The following ADAMTS5 variants were observed in gnomAD, a reference collection of about 807,000 sequenced individuals.
ADAMTS5 encodes A disintegrin and metalloproteinase with thrombospondin motifs 5.
A neutral mutation model predicts 81.4 loss-of-function variants in ADAMTS5; 54 were observed. The observed-to-expected ratio is 0.66, with a 90% CI of 0.53 to 0.83. The LOEUF is 0.83. ADAMTS5 is among the 40% of genes least tolerant of loss of function. The pLI, the probability that ADAMTS5 is intolerant of heterozygous loss-of-function variation, is 0.00. For missense variants in ADAMTS5, 1,194 were observed against 1,229.9 expected (o/e 0.97, Z 0.44); for synonymous variants, 532 against 508.8 (o/e 1.05, Z -0.61).
At chr21:26,961,557 C>G (rs1352406984) in intron 1 of ADAMTS5, among the ~76,000 whole-genome samples, 1 of 152,196 alleles carries the variant, frequency 6.6e-6, no homozygotes, top group African/African-American at 2.4e-5. Flanking sequence ...ATTTCTACCT[C>G]GCTGCCTTAA....
At chr21:26,954,108 T>C (rs757164380) in intron 2 of ADAMTS5, 1 of 151,708 alleles carries the variant, frequency 6.6e-6, no homozygotes, top group African/African-American at 2.4e-5. Context: ...ATATTCTTTA[T>C]TTTGGAAATA....
At chr21:26,935,668 A>G (rs1384145567) in intron 3 of ADAMTS5, among the ~76,000 whole-genome samples, 1 of 152,150 alleles carries the variant, frequency 6.6e-6, no homozygotes, top group African/African-American at 2.4e-5. Flanking sequence ...TGGGGAATCC[A>G]CAAAAGCTGG....
chr21:26,965,593 G>A lies in ADAMTS5; in HGVS notation c.799C>T (p.Arg267Cys), dbSNP rs571380802. ...GCCACCAGAAGCAGCTCCACCTGGC[G>A]GGCCCGGGAGATGGAGCGGCGCCGC... ...RRRRRSISRA[R>C]QVELLLVADA... Residue 267 changes from arginine (R) to cysteine (C), a missense_variant, in exon 1 of 8, where the codon CGC (arginine) becomes TGC (cysteine). Arg to Cys is a radical substitution (Grantham distance 180). Transcript: ENST00000284987. The A allele has an allele frequency of 1.2e-6, 2 of 1,604,022 alleles. No individual in the cohort carries two copies. Among genetic ancestry groups the A allele is most frequent in the African/African-American group, 1.3e-5 (1 of 74,706 alleles).
At chr21:26,938,179 G>A (rs1242225570) in intron 3 of ADAMTS5, among the ~76,000 whole-genome samples, 1 of 151,898 alleles carries the variant, frequency 6.6e-6, no homozygotes, top group Non-Finnish European at 1.5e-5. Context: ...GGGAGGTGGA[G>A]TTTGCAGTGA....
rs924793482 is a variant in ADAMTS5, at chr21:26,922,746, C to G, written c.*1307G>C. 1 of 152,470 alleles carries G rather than the reference C, an allele frequency of 6.6e-6. No homozygotes were observed. Among genetic ancestry groups the G allele is most frequent in the Non-Finnish European group, 1.5e-5 (1 of 67,960 alleles). 9.4% of individuals were successfully genotyped at this position (152,470 alleles called of 1,614,324 possible). ...TCACATGTCATCACTCAAACACTTA[C>G]GGGTACAATCAAGTGCTTTCCAGTT... On this transcript the variant is annotated 3_prime_UTR_variant, in exon 8 of 8. Coordinates refer to ENST00000284987, the MANE Select transcript of ADAMTS5 (RefSeq NM_007038.5).
At chr21:26,942,015 A>AT (rs1987123681) in intron 3 of ADAMTS5, among the ~76,000 whole-genome samples, 2 of 149,260 alleles carry the variant, frequency 1.3e-5, no homozygotes, top group African/African-American at 2.5e-5. Context: ...TTATTGACAT[A>AT]TTTTTTCAAC....
intron 7 of ADAMTS5, 95 bp from the exon 8 acceptor site, chr21:26,924,715 A>G: frequency 9.6e-7 from 1 of 1,045,020 alleles, no homozygotes; most frequent in Non-Finnish European, 1.4e-6. Context: ...ACACAAACAG[A>G]AGTTCTCTAA....
rs1986639041 is a variant in ADAMTS5 at position 26,919,143 on chromosome 21, C to T, written c.*4910G>A. ...GACAGTCGGTCACGAAAGATGTTAGCACCTCAATAAAAATTAGAATTGTTC... is the reference window on the plus strand; with the variant it reads ...GACAGTCGGTCACGAAAGATGTTAGTACCTCAATAAAAATTAGAATTGTTC... On this transcript the variant is annotated 3_prime_UTR_variant, in exon 8 of 8. Coordinates refer to ENST00000284987, the MANE Select transcript of ADAMTS5 (RefSeq NM_007038.5). The T allele has an allele frequency of 6.6e-6, 1 of 151,612 alleles. No homozygotes were observed. The highest frequency in any genetic ancestry group is 1.5e-5 in the Non-Finnish European group (1 of 67,880). 9.4% of individuals were successfully genotyped at this position (151,612 alleles called of 1,614,324 possible).
intron 3 of ADAMTS5, among the ~76,000 whole-genome samples, chr21:26,940,550 TGTCTAAA>T (rs1279840942): frequency 6.6e-6 from 1 of 152,166 alleles, no homozygotes; most frequent in Admixed American, 6.5e-5. Flanking sequence ...TCAGATTACC[TGTCTAAA>T]GTCTCCCCAC....
chr21:26,954,949 C>G, intron 1 of ADAMTS5, 78 bp from the exon 2 acceptor site: 1 of 1,534,670 alleles, frequency 6.5e-7, no homozygotes, highest in Non-Finnish European at 8.9e-7. Context: ...ACTTGCTTAC[C>G]CCAAATGGCA....
At chr21:26,940,551 G>A (rs1223700648) in intron 3 of ADAMTS5, among the ~76,000 whole-genome samples, 1 of 152,012 alleles carries the variant, frequency 6.6e-6, no homozygotes, top group Non-Finnish European at 1.5e-5. Flanking sequence ...CAGATTACCT[G>A]TCTAAAGTCT....
At chr21:26,951,679 C>CAAAAAAAAA (rs58060427) in intron 2 of ADAMTS5, among the ~76,000 whole-genome samples, 3 of 46,626 alleles carry the variant, frequency 6.4e-5, no homozygotes, top group African/African-American at 2.6e-4. Context: ...CCCTCCATCT[C>CAAAAAAAAA]AAAAAAAAAA....
rs1342915684 is a variant in ADAMTS5 at position 26,921,388 on chromosome 21, T to C, written c.*2665A>G. On this transcript the variant is annotated 3_prime_UTR_variant, in exon 8 of 8. Coordinates refer to ENST00000284987, the MANE Select transcript of ADAMTS5 (RefSeq NM_007038.5). ...GTACTTAATAAAACTTATTATGGAG[T>C]GCTTAGTTATGTAAGTGAGATTAGA... 2.0e-5 allele frequency: 3 copies of C among 151,818 alleles called. No homozygotes were observed. The highest frequency in any genetic ancestry group is 6.6e-5 in the Admixed American group (1 of 15,222). The allele number at this position is 151,818 out of a possible 1,614,324, so 9.4% of individuals were successfully genotyped here. A position where few individuals can be genotyped will look rare whatever the true frequency, so the allele number is the denominator to read the frequency against.
At chr21:26,964,304 G>A (rs1347651092) in intron 1 of ADAMTS5, among the ~76,000 whole-genome samples, 1 of 152,158 alleles carries the variant, frequency 6.6e-6, no homozygotes, top group Non-Finnish European at 1.5e-5. Flanking sequence ...CAGACTTTTT[G>A]TGTAAATGTC....
chr21:26,940,688 T>C (rs539729135), intron 3 of ADAMTS5, among the ~76,000 whole-genome samples: 1 of 152,178 alleles, frequency 6.6e-6, no homozygotes. Flanking sequence ...CCTGTGTAGC[T>C]TTCTATGAGT....
Position 26,924,164 on chromosome 21 carries a change from A to G in ADAMTS5, c.2682T>C (p.Gly894=), listed in dbSNP as rs756260726. The part of the protein sequence containing the change: ...WLACSRTCDT[G]WHTRTVQCQD... ...GGCACTGCACCGTTCTGGTGTGCCA[A>G]CCTGTGTCACAGGTCCTAGAGCAGG... The change falls in exon 8 of 8, where the codon GGT becomes GGC. Residue 894 remains glycine (G), a synonymous_variant. Coordinates refer to ENST00000284987, the MANE Select transcript of ADAMTS5 (RefSeq NM_007038.5). 4 of 1,614,032 alleles carry G rather than the reference A, an allele frequency of 2.5e-6. No individual in the cohort carries two copies. The African/African-American group carries it at 5.3e-5, about 22-fold the overall frequency.
intron 5 of ADAMTS5, 96 bp from the exon 6 acceptor site, chr21:26,932,275 A>G: frequency 7.3e-7 from 1 of 1,369,862 alleles, no homozygotes. Flanking sequence ...GGAAGATGCA[A>G]ACGTGTTTTT....
intron 1 of ADAMTS5, among the ~76,000 whole-genome samples, chr21:26,957,588 G>T (rs1332669069): frequency 6.6e-6 from 1 of 152,188 alleles, no homozygotes; most frequent in Non-Finnish European, 1.5e-5. Context: ...TGCTTGTTCA[G>T]TGTAGATCTG....
At chr21:26,956,535 GATA>G (rs2123202922) in intron 1 of ADAMTS5, among the ~76,000 whole-genome samples, 1 of 152,214 alleles carries the variant, frequency 6.6e-6, no homozygotes, top group East Asian at 1.9e-4. Flanking sequence ...CAGTCTTTGA[GATA>G]ATAATGTAGC....
Sources: allele counts gnomAD v4.1 joint callset (sites outside exome capture counted in the v4.1 genomes callset), GRCh38; gene constraint gnomAD v4.1.1; transcripts MANE v1.5; gene names NCBI Gene and HGNC (gene_info 2026-07-23, HGNC 2026-07-21).